The following IMMP2L variants were observed in gnomAD, a reference collection of about 807,000 sequenced individuals.
The protein encoded by IMMP2L is mitochondrial inner membrane protease subunit 2.
Under a neutral mutation model 19.3 loss-of-function variants are expected in IMMP2L, and 18 were observed. That is an observed-to-expected ratio of 0.93 (90% CI 0.64 to 1.38). The LOEUF is 1.38. Among genes scored for constraint, IMMP2L ranks in the 40% most tolerant of loss-of-function variants. The pLI is 0.00. For synonymous variants in IMMP2L, 76 were observed against 73.0 expected, an observed-to-expected ratio of 1.04 and a Z score of -0.21; for missense variants, 233 against 218.2, an observed-to-expected ratio of 1.07 and a Z score of -0.43.
chr7:111,228,845 T>TA (rs549372511), intron 3 of IMMP2L, among the ~76,000 whole-genome samples: 4 of 151,424 alleles, frequency 2.6e-5, no homozygotes, highest in Non-Finnish European at 5.9e-5. Flanking sequence ...TACAATGTTA[T>TA]AAAAAAAAAT....
intron 3 of IMMP2L, among the ~76,000 whole-genome samples, chr7:111,256,716 C>T (rs1816738838): frequency 6.6e-6 from 1 of 151,998 alleles, no homozygotes; most frequent in South Asian, 2.1e-4. Context: ...TTGAGTACCC[C>T]AAAGGGAATC....
At chr7:111,269,855 C>T (rs1195198213) in intron 3 of IMMP2L, among the ~76,000 whole-genome samples, 2 of 152,074 alleles carry the variant, frequency 1.3e-5, no homozygotes, top group African/African-American at 4.8e-5. Flanking sequence ...GGAGTTGCAC[C>T]ATTTTTGGCT....
intron 4 of IMMP2L, 75 bp downstream of exon 4, chr7:110,963,425 T>C: frequency 9.5e-7 from 1 of 1,052,112 alleles, no homozygotes; most frequent in Admixed American, 2.1e-5. Context: ...ACTTCAGATG[T>C]ATTTCCCAAG....
intron 5 of IMMP2L, among the ~76,000 whole-genome samples, chr7:110,879,745 A>G (rs1029869217): frequency 6.6e-6 from 1 of 152,184 alleles, no homozygotes; most frequent in African/African-American, 2.4e-5. Flanking sequence ...ATACTTACAA[A>G]AAATAACAGT....
intron 5 of IMMP2L, among the ~76,000 whole-genome samples, chr7:110,754,572 G>A (rs1797927342): frequency 6.6e-6 from 1 of 152,004 alleles, no homozygotes; most frequent in South Asian, 2.1e-4. Flanking sequence ...TTTGGGTCTA[G>A]GGATATTAAC....
At chr7:111,498,611 T>C (rs1211272365) in intron 2 of IMMP2L, among the ~76,000 whole-genome samples, 1 of 152,100 alleles carries the variant, frequency 6.6e-6, no homozygotes, top group Non-Finnish European at 1.5e-5. Context: ...GGCTGCATGA[T>C]TCCCTCAGAA....
intron 3 of IMMP2L, among the ~76,000 whole-genome samples, chr7:111,104,196 A>T (rs1452937351): frequency 6.6e-6 from 1 of 151,592 alleles, no homozygotes; most frequent in African/African-American, 2.4e-5. Context: ...TACTATTCGC[A>T]TCTTGAGCCA....
intron 3 of IMMP2L, among the ~76,000 whole-genome samples, chr7:111,219,873 A>G (rs991891191): frequency 1.3e-5 from 2 of 152,038 alleles, no homozygotes; most frequent in African/African-American, 4.8e-5. Flanking sequence ...TAAGCAAGAA[A>G]GTGATCTTAG....
intron 5 of IMMP2L, among the ~76,000 whole-genome samples, chr7:110,794,196 C>T (rs1421842393): frequency 6.6e-6 from 1 of 152,090 alleles, no homozygotes; most frequent in South Asian, 2.1e-4. Flanking sequence ...AAAACCAGCA[C>T]ATAGATATTT....
At chr7:111,243,487 G>A (rs1319259531) in intron 3 of IMMP2L, among the ~76,000 whole-genome samples, 1 of 147,050 alleles carries the variant, frequency 6.8e-6, no homozygotes. Context: ...GAAGTAAAGT[G>A]TTCAACTCTA....
chr7:111,422,794 T>C (rs13307267), intron 3 of IMMP2L, among the ~76,000 whole-genome samples: 3,548 of 151,838 alleles, frequency 0.023, 236 homozygotes, highest in African/African-American at 0.082. Flanking sequence ...TTGTCTTGTG[T>C]CGGTTTTCAA....
At chr7:111,223,707 T>C (rs970099784) in intron 3 of IMMP2L, among the ~76,000 whole-genome samples, 74 of 152,144 alleles carry the variant, frequency 4.9e-4, no homozygotes, top group Admixed American at 4.8e-3. Flanking sequence ...AGGGTATATT[T>C]AACTGTTTCC....
At chr7:111,143,188 A>T (rs1792629929) in intron 3 of IMMP2L, among the ~76,000 whole-genome samples, 1 of 152,222 alleles carries the variant, frequency 6.6e-6, no homozygotes, top group African/African-American at 2.4e-5. Flanking sequence ...AGAAAACAAA[A>T]GCATGGATTT....
intron 3 of IMMP2L, among the ~76,000 whole-genome samples, chr7:111,178,419 G>A (rs964229193): frequency 6.6e-6 from 1 of 152,044 alleles, no homozygotes; most frequent in Non-Finnish European, 1.5e-5. Context: ...GGATGCTGAA[G>A]GTTGGGGTAG....
chr7:111,448,351 A>T (rs1838745217), intron 3 of IMMP2L, among the ~76,000 whole-genome samples: 1 of 150,236 alleles, frequency 6.7e-6, no homozygotes, highest in Non-Finnish European at 1.5e-5. Context: ...AAATTATAAC[A>T]AACTATCTCT....
At chr7:111,053,326 G>A (rs1042166659) in intron 3 of IMMP2L, among the ~76,000 whole-genome samples, 2 of 152,186 alleles carry the variant, frequency 1.3e-5, no homozygotes, top group South Asian at 2.1e-4. Context: ...CGCTTGGGAG[G>A]GGAGCATGTG....
At chr7:110,810,997 G>T (rs1801996784) in intron 5 of IMMP2L, among the ~76,000 whole-genome samples, 1 of 151,926 alleles carries the variant, frequency 6.6e-6, no homozygotes, top group Admixed American at 6.6e-5. Context: ...CTACCCTGGG[G>T]TGACAGGAGA....
At chr7:111,517,046 A>G (rs192793942) in intron 2 of IMMP2L, among the ~76,000 whole-genome samples, 13 of 152,240 alleles carry the variant, frequency 8.5e-5, no homozygotes, top group Admixed American at 7.9e-4. Context: ...CCAGCTTCTC[A>G]GAGTTCAAAA....
intron 3 of IMMP2L, among the ~76,000 whole-genome samples, chr7:111,214,696 T>C (rs530990440): frequency 4.0e-5 from 6 of 151,226 alleles, no homozygotes; most frequent in South Asian, 2.1e-4. Flanking sequence ...AAATAAAATA[T>C]ATGATATTAA....
Sources: gnomAD v4.1 joint callset for allele counts (sites outside exome capture counted in the v4.1 genomes callset) on GRCh38, gnomAD v4.1.1 for gene constraint, MANE v1.5 for transcripts, NCBI Gene and HGNC (gene_info 2026-07-23, HGNC 2026-07-21) for gene names.